Variants in PLD3 observed in about 807,000 individuals in gnomAD.
The protein encoded by PLD3 is 5'-3' exonuclease PLD3.
Under a neutral mutation model 58.4 loss-of-function variants are expected in PLD3, and 31 were observed. The ratio of observed to expected loss-of-function variants is 0.53; its 90% CI spans 0.40 to 0.72. The LOEUF is 0.72. PLD3 is among the 30% of genes least tolerant of loss of function. The pLI is 0.00. For synonymous variants in PLD3, 264 were observed against 273.4 expected (o/e 0.97, Z 0.34); for missense variants, 595 against 659.8 (o/e 0.90, Z 1.08).
At chr19:40,362,173 T>TA (rs2078803837) in intron 1 of PLD3, among the ~76,000 whole-genome samples, 1 of 152,108 alleles carries the variant, frequency 6.6e-6, no homozygotes, top group Non-Finnish European at 1.5e-5. Flanking sequence ...TTCACAGCTG[T>TA]ATCCCCAGTG....
intron 9 of PLD3, 132 bp downstream of exon 9, chr19:40,372,005 T>C (rs1042022041): frequency 2.2e-5 from 16 of 733,248 alleles, no homozygotes; most frequent in Middle Eastern, 6.6e-4. Flanking sequence ...CTCATTCTGC[T>C]TGGTCAGGGG....
chr19:40,364,307 T>C (rs907438342), intron 1 of PLD3, among the ~76,000 whole-genome samples: 2 of 151,456 alleles, frequency 1.3e-5, no homozygotes, highest in African/African-American at 4.9e-5. Flanking sequence ...TGAACCAAGA[T>C]TGTGCCACTG....
intron 1 of PLD3, among the ~76,000 whole-genome samples, chr19:40,352,092 T>C (rs2078532199): frequency 6.6e-6 from 1 of 151,998 alleles, no homozygotes; most frequent in Non-Finnish European, 1.5e-5. Context: ...ACCAACATGG[T>C]GAAACCTCAT....
intron 1 of PLD3, among the ~76,000 whole-genome samples, chr19:40,364,782 A>G (rs2078874957): frequency 6.8e-6 from 1 of 147,848 alleles, no homozygotes; most frequent in Non-Finnish European, 1.5e-5. Flanking sequence ...GGAGAGACAG[A>G]GCGAGACTGC....
chr19:40,378,376 C>T lies in PLD3; in HGVS notation c.*203C>T, dbSNP rs1327145736. ...GACCCAGCAGAGCTGGGGGAGGGAT[C>T]AGCCCCCAAAGAAATGGGGGTGCAT... On this transcript the variant is annotated 3_prime_UTR_variant, in exon 13 of 13. Coordinates refer to ENST00000409735, the MANE Select transcript of PLD3 (RefSeq NM_012268.4). 1.2e-5 allele frequency: 8 copies of T among 675,718 alleles called. No homozygotes were observed. 41.9% of individuals were successfully genotyped at this position (675,718 alleles called of 1,614,324 possible). A position where few individuals can be genotyped will look rare whatever the true frequency, so the allele number is the denominator to read the frequency against.
intron 10 of PLD3, among the ~76,000 whole-genome samples, chr19:40,375,758 G>A (rs1374549945): frequency 1.3e-5 from 2 of 151,986 alleles, no homozygotes; most frequent in East Asian, 1.9e-4. Context: ...TATTCTAGGG[G>A]CAGTAGATAA....
At position 40,366,797 on chromosome 19, in the gene PLD3, C is replaced by T. The variant is rs1350811945; in HGVS notation, c.127C>T (p.Leu43Phe). The change falls in exon 5 of 13, where the codon CTC (leucine) becomes TTC (phenylalanine). Residue 43 changes from leucine (L) to phenylalanine (F), a missense_variant. By Grantham distance (22) the Leu-to-Phe change is conservative. Coordinates refer to ENST00000409735, the MANE Select transcript of PLD3 (RefSeq NM_012268.4). ...EKKARWVLLV[L>F]ILAVVGFGAL... ...GAAAGCCCGCTGGGTCCTGCTGGTC[C>T]TCATTCTGGCGGTTGTGGGCTTCGG... 6.2e-7 allele frequency: 1 copy of T among 1,614,010 alleles called. No homozygotes were observed. Among genetic ancestry groups the T allele is most frequent in the South Asian group, 1.1e-5 (1 of 91,092 alleles).
chr19:40,369,937 C>T lies in PLD3; in HGVS notation c.459C>T (p.Thr153=). The change falls in exon 7 of 13, where the codon ACC becomes ACT. Residue 153 remains threonine (T), a synonymous_variant. Coordinates refer to ENST00000409735, the MANE Select transcript of PLD3 (RefSeq NM_012268.4). ...QGEEVLRQLQ[T]LAPKGVNVRI... is the part of the protein sequence containing the mutation. ...AGGAGGTCCTCCGGCAGCTGCAGAC[C>T]CTGGCACCAAAGGGCGTGAACGTCC... 4 of 1,562,254 alleles carry T rather than the reference C, an allele frequency of 2.6e-6. No homozygotes were observed. The highest frequency in any genetic ancestry group is 3.5e-6 in the Non-Finnish European group (4 of 1,154,174).
chr19:40,378,173 AG>A lies in PLD3; in HGVS notation c.*2del, dbSNP rs769276013. On this transcript the variant is annotated 3_prime_UTR_variant, in exon 13 of 13. Transcript: ENST00000409735. ...TGGGCAACGCCTGCCGCCTGCTCTG[AG>A]GCCCGATCCAGTGGGCAGGCCAAGG... 3.1e-6 allele frequency: 5 copies of A among 1,606,324 alleles called. No homozygotes were observed. The South Asian group carries it at 5.5e-5, about 18-fold the overall frequency.
chr19:40,348,780 T>C lies in PLD3; in HGVS notation c.-279+12T>C, dbSNP rs932438830. The C allele has an allele frequency of 6.7e-5, 23 of 342,908 alleles. No individual in the cohort carries two copies. Among genetic ancestry groups the C allele is most frequent in the Middle Eastern group, 7.9e-4 (1 of 1,272 alleles). 21.2% of individuals were successfully genotyped at this position (342,908 alleles called of 1,614,324 possible). A position where few individuals can be genotyped will look rare whatever the true frequency, so the allele number is the denominator to read the frequency against. On this transcript the variant is annotated intron_variant, in intron 1 of 12. Transcript: ENST00000409735. ...GACGTGGAGTGCAGGTACTGTGCGA[T>C]CTGGGGGCGCGGCGCCTCGGCTACC... is the stretch of plus-strand genomic sequence containing the variant.
chr19:40,371,720 A>C lies in PLD3; in HGVS notation c.726A>C (p.Arg242=). ...TGTACAACTGCAGCTGCCTGGCTCGAGACCTGACCAAGATCTTTGAGGCCT... is the reference window on the plus strand; with the variant it reads ...TGTACAACTGCAGCTGCCTGGCTCGCGACCTGACCAAGATCTTTGAGGCCT... ...VVMYNCSCLA[R]DLTKIFEAYW... The change falls in exon 9 of 13, where the codon CGA becomes CGC. Residue 242 remains arginine, a synonymous_variant. Transcript: ENST00000409735. 6.2e-7 allele frequency: 1 copy of C among 1,613,946 alleles called. No individual in the cohort carries two copies. Among genetic ancestry groups the C allele is most frequent in the Non-Finnish European group, 8.5e-7 (1 of 1,180,000 alleles).
intron 1 of PLD3, among the ~76,000 whole-genome samples, chr19:40,351,270 G>T (rs548357863): frequency 6.6e-6 from 1 of 151,736 alleles, no homozygotes; most frequent in South Asian, 2.1e-4. Flanking sequence ...ACGGCCAGGC[G>T]TAGTGGCTCA....
At position 40,371,874 on chromosome 19, in the gene PLD3, G is replaced by A. The variant is rs112872854; in HGVS notation, c.879+1G>A. On this transcript the variant is annotated splice_donor_variant, in intron 9 of 12. Transcript: ENST00000409735. LOFTEE classifies it high-confidence loss of function. ...AACCCCTGCTCTGGCCTACCTGGCG[G>A]TGAGTCTGGGGCAAGTGGGGCCTGT... The A allele has an allele frequency of 6.2e-7, 1 of 1,613,062 alleles. No homozygotes were observed. The highest frequency in any genetic ancestry group is 8.5e-7 in the Non-Finnish European group (1 of 1,179,346).
chr19:40,352,718 T>G (rs1173028772), intron 1 of PLD3, among the ~76,000 whole-genome samples: 1 of 152,178 alleles, frequency 6.6e-6, no homozygotes, highest in Admixed American at 6.6e-5. Flanking sequence ...ATCCCAGCAC[T>G]TTGAGAGGTT....
At chr19:40,374,683 T>C (rs1026423096) in intron 10 of PLD3, 63 bp downstream of exon 10, 2 of 1,589,320 alleles carry the variant, frequency 1.3e-6, no homozygotes, top group African/African-American at 2.7e-5. Flanking sequence ...GAGGGAATCA[T>C]GGAGACCAGA....
chr19:40,353,358 A>G (rs2078566162), intron 1 of PLD3, among the ~76,000 whole-genome samples: 1 of 151,996 alleles, frequency 6.6e-6, no homozygotes, highest in Non-Finnish European at 1.5e-5. Flanking sequence ...TGAACCTGGA[A>G]GATGGAGGTT....
At chr19:40,372,874 A>G (rs2079100464) in intron 9 of PLD3, among the ~76,000 whole-genome samples, 1 of 152,176 alleles carries the variant, frequency 6.6e-6, no homozygotes, top group African/African-American at 2.4e-5. Flanking sequence ...CCTGTCTCCA[A>G]AAAAAGAAAA....
At chr19:40,351,092 G>T (rs1039305577) in intron 1 of PLD3, among the ~76,000 whole-genome samples, 1 of 151,934 alleles carries the variant, frequency 6.6e-6, no homozygotes, top group East Asian at 1.9e-4. Flanking sequence ...AGCCAGGTAT[G>T]GTGGTGTGCG....
At chr19:40,377,109 T>G (rs1407881720) in intron 11 of PLD3, among the ~76,000 whole-genome samples, 4 of 39,994 alleles carry the variant, frequency 1.0e-4, no homozygotes, top group Non-Finnish European at 1.0e-4. Flanking sequence ...GGCAGAAGGG[T>G]CGGGGCCGGG....
Sources: allele counts gnomAD v4.1 joint callset (sites outside exome capture counted in the v4.1 genomes callset), GRCh38; gene constraint gnomAD v4.1.1; transcripts MANE v1.5; gene names NCBI Gene and HGNC (gene_info 2026-07-23, HGNC 2026-07-21).